Variants in DOCK7 observed in about 807,000 individuals in gnomAD.
The protein encoded by DOCK7 is dedicator of cytokinesis 7.
Under a neutral mutation model 271.0 loss-of-function variants are expected in DOCK7, and 138 were observed. That is an observed-to-expected ratio of 0.51 (90% CI 0.44 to 0.59). DOCK7 has a LOEUF of 0.59. Among genes scored for constraint, DOCK7 ranks in the 20% least tolerant of loss-of-function variants. The pLI is 0.00. For missense variants in DOCK7, 2,066 were observed against 2,592.4 expected (o/e 0.80, Z 4.41); for synonymous variants, 823 against 876.1 (o/e 0.94, Z 1.07).
intron 1 of DOCK7, among the ~76,000 whole-genome samples, chr1:62,670,517 T>C (rs1161191202): frequency 1.3e-5 from 2 of 151,854 alleles, no homozygotes; most frequent in Non-Finnish European, 2.9e-5. Context: ...AGCTCAAGGA[T>C]TGTAAATACA....
chr1:62,535,409 T>C lies in DOCK7; in HGVS notation c.3611+84A>G, dbSNP rs1645310764. On this transcript the variant is annotated intron_variant, in intron 29 of 49. Coordinates refer to ENST00000635253, the MANE Select transcript of DOCK7 (RefSeq NM_001367561.1). ...AGAGTGTGAAAGATTATTCTCCTAA[T>C]CCTCAGGAAATGTGAGTGGAATACT... 4 of 1,180,960 alleles carry C rather than the reference T, an allele frequency of 3.4e-6. No individual in the cohort carries two copies. The East Asian group carries it at 7.4e-5, about 22-fold the overall frequency. 73.2% of individuals were successfully genotyped at this position (1,180,960 alleles called of 1,614,324 possible).
chr1:62,481,289 C>G (rs554443729), intron 43 of DOCK7: 8 of 152,210 alleles, frequency 5.3e-5, no homozygotes, highest in Admixed American at 3.9e-4. Context: ...CAAGGAGTTA[C>G]TGGATATTTA....
At chr1:62,488,104 A>T (rs1646350023) in intron 42 of DOCK7, 1 of 152,452 alleles carries the variant, frequency 6.6e-6, no homozygotes, top group Non-Finnish European at 1.5e-5. Context: ...GTAACAAAGT[A>T]GGACTAATAC....
intron 1 of DOCK7, among the ~76,000 whole-genome samples, chr1:62,674,227 T>G (rs1660308075): frequency 6.6e-6 from 1 of 152,032 alleles, no homozygotes; most frequent in Non-Finnish European, 1.5e-5. Context: ...TAGAAATAAA[T>G]TTAACAAAAG....
intron 37 of DOCK7, among the ~76,000 whole-genome samples, chr1:62,504,353 C>T (rs12739845): frequency 1.6e-3 from 251 of 152,126 alleles, no homozygotes; most frequent in Middle Eastern, 3.4e-3. Flanking sequence ...TTTCTTTTTA[C>T]TTAGGGACAA....
intron 48 of DOCK7, among the ~76,000 whole-genome samples, chr1:62,466,232 T>G (rs1645672696): frequency 6.6e-6 from 1 of 151,794 alleles, no homozygotes; most frequent in Non-Finnish European, 1.5e-5. Flanking sequence ...AGATTTTTAA[T>G]GCAGATAAAA....
At chr1:62,544,500 T>C (rs1396868896) in intron 23 of DOCK7, among the ~76,000 whole-genome samples, 1 of 152,206 alleles carries the variant, frequency 6.6e-6, no homozygotes, top group African/African-American at 2.4e-5. Flanking sequence ...TGCCAGTCTT[T>C]CTATTCGGTG....
intron 14 of DOCK7, among the ~76,000 whole-genome samples, chr1:62,602,967 A>G (rs1231241370): frequency 6.6e-6 from 1 of 151,740 alleles, no homozygotes; most frequent in Non-Finnish European, 1.5e-5. Flanking sequence ...AAAAGCACAT[A>G]CAAAAATCCA....
intron 1 of DOCK7, among the ~76,000 whole-genome samples, chr1:62,678,256 A>T (rs935867331): frequency 3.9e-5 from 6 of 152,252 alleles, no homozygotes; most frequent in Non-Finnish European, 7.3e-5. Flanking sequence ...GAGCAAGATA[A>T]AAAATAGTAA....
chr1:62,599,592 G>A (rs1361193947), intron 14 of DOCK7, among the ~76,000 whole-genome samples: 2 of 151,844 alleles, frequency 1.3e-5, no homozygotes, highest in African/African-American at 4.8e-5. Flanking sequence ...TGAATACAGG[G>A]ATTTTTTCCA....
intron 36 of DOCK7, among the ~76,000 whole-genome samples, chr1:62,505,440 G>A (rs547372064): frequency 1.3e-5 from 2 of 152,218 alleles, no homozygotes; most frequent in East Asian, 3.9e-4. Flanking sequence ...CCACATCCAA[G>A]TTACTGTTTT....
At chr1:62,687,899 G>A (rs943828827) in intron 1 of DOCK7, among the ~76,000 whole-genome samples, 7 of 152,214 alleles carry the variant, frequency 4.6e-5, no homozygotes, top group African/African-American at 1.4e-4. Flanking sequence ...TTGGGAAGCG[G>A]CCGACCGCCC....
At chr1:62,669,138 A>C (rs947757764) in intron 1 of DOCK7, among the ~76,000 whole-genome samples, 1 of 152,198 alleles carries the variant, frequency 6.6e-6, no homozygotes, top group Non-Finnish European at 1.5e-5. Flanking sequence ...CCCTGTGCTT[A>C]TCTGCATACA....
rs34335688 is a variant in DOCK7, at chr1:62,527,874, T to TA, written c.3936+276dup. ...CACATGTACCCTAAAACTTAAAGTATAAAAAAAAAAAAAAAAGAAATGAAC... is the reference window on the plus strand; with the variant it reads ...CACATGTACCCTAAAACTTAAAGTATAAAAAAAAAAAAAAAAAGAAATGAAC... On this transcript the variant is annotated intron_variant, in intron 31 of 49. Coordinates refer to ENST00000635253, the MANE Select transcript of DOCK7 (RefSeq NM_001367561.1). 0.96 allele frequency among the ~76,000 whole-genome samples: 130,051 copies of TA among 135,598 alleles called. 62,407 individuals are homozygous for TA. Among genetic ancestry groups the TA allele is most frequent in the South Asian group, 0.99 (4,172 of 4,216 alleles). The allele number at this position is 135,598 out of a possible 152,430, so 89.0% of individuals were successfully genotyped here. A position where few individuals can be genotyped will look rare whatever the true frequency, so the allele number is the denominator to read the frequency against.
rs1646008898 is a variant in DOCK7 at position 62,477,795 on chromosome 1, A to T, written c.5539T>A (p.Phe1847Ile). ...RMFGTYFRVG[F>I]YGTKFGDLDE... ...AAATCCCCGAACTTGGTTCCATAAA[A>T]ACCAACACGAAAATAGGTGCCAAAC... Residue 1847 changes from phenylalanine to isoleucine, a missense_variant, in exon 44 of 50, where the codon TTT becomes ATT. Phe to Ile is a conservative substitution (Grantham distance 21). Around this residue, in one of 2 missense-constraint regions of DOCK7, gnomAD observed 652 missense variants for 922.1 expected, o/e 0.71. Coordinates refer to ENST00000635253, the MANE Select transcript of DOCK7 (RefSeq NM_001367561.1). 1.2e-6 allele frequency: 2 copies of T among 1,610,392 alleles called. No homozygotes were observed. Among genetic ancestry groups the T allele is most frequent in the Non-Finnish European group, 1.7e-6 (2 of 1,178,908 alleles).
chr1:62,510,390 C>T (rs924323545), intron 34 of DOCK7, among the ~76,000 whole-genome samples, 187 bp downstream of exon 34: 6 of 152,064 alleles, frequency 3.9e-5, no homozygotes, highest in African/African-American at 4.8e-5. Context: ...TACTATACCA[C>T]GAGAAGTTCT....
intron 22 of DOCK7, among the ~76,000 whole-genome samples, chr1:62,549,024 G>T (rs1645804855): frequency 6.6e-6 from 1 of 152,198 alleles, no homozygotes; most frequent in Admixed American, 6.5e-5. Context: ...CATGGAACCT[G>T]ATAAGCTGAC....
intron 1 of DOCK7, among the ~76,000 whole-genome samples, chr1:62,679,288 G>T (rs938036648): frequency 6.6e-6 from 1 of 151,996 alleles, no homozygotes; most frequent in African/African-American, 2.4e-5. Flanking sequence ...AAGTTAAACT[G>T]CATTAAAACT....
intron 25 of DOCK7, among the ~76,000 whole-genome samples, chr1:62,541,745 G>C (rs1645540529): frequency 6.6e-6 from 1 of 152,166 alleles, no homozygotes; most frequent in Non-Finnish European, 1.5e-5. Context: ...TGCAGATTTT[G>C]ACTGTGTGGG....
Sources: gnomAD v4.1 joint callset for allele counts (sites outside exome capture counted in the v4.1 genomes callset) on GRCh38, gnomAD v4.1.1 for gene constraint, gnomAD v4.1.1 regional missense constraint, MANE v1.5 for transcripts, NCBI Gene and HGNC (gene_info 2026-07-23, HGNC 2026-07-21) for gene names.